COL23A1: variants seen among roughly 807,000 people sequenced by gnomAD.
COL23A1 encodes the protein collagen type XXIII alpha 1 chain, also known as collagen alpha-1(XXIII) chain.
COL23A1 carries 97 observed loss-of-function variants against 99.3 expected under a neutral mutation model. The observed-to-expected ratio is 0.98, with a 90% confidence interval of 0.83 to 1.16. The LOEUF is 1.16. Ranked by LOEUF, COL23A1 falls within the 50% of genes most tolerant of loss-of-function variation. The pLI is 0.00. For missense variants in COL23A1, 762 were observed against 757.4 expected (o/e 1.01, Z -0.07); for synonymous variants, 320 against 308.2 (o/e 1.04, Z -0.40).
At chr5:178,239,281 C>T (rs946991190) in intron 27 of COL23A1, 102 bp from the exon 28 acceptor site, 19 of 1,359,974 alleles carry the variant, frequency 1.4e-5, no homozygotes, top group African/African-American at 1.1e-4. Flanking sequence ...GGCCAGGGAG[C>T]GGCCATGTGA....
At chr5:178,517,609 T>G (rs1334760289) in intron 2 of COL23A1, among the ~76,000 whole-genome samples, 1 of 137,174 alleles carries the variant, frequency 7.3e-6, no homozygotes, top group African/African-American at 2.7e-5. Context: ...TCGCCCAGTC[T>G]GGAATGCAGT....
At chr5:178,356,880 C>T (rs1761685672) in intron 2 of COL23A1, among the ~76,000 whole-genome samples, 1 of 151,854 alleles carries the variant, frequency 6.6e-6, no homozygotes, top group African/African-American at 2.4e-5. Flanking sequence ...CTGGGGTCTG[C>T]GCACTGAGCC....
At chr5:178,402,479 A>T (rs773226544) in intron 2 of COL23A1, among the ~76,000 whole-genome samples, 1 of 152,242 alleles carries the variant, frequency 6.6e-6, no homozygotes, top group Non-Finnish European at 1.5e-5. Context: ...AATAAATAAG[A>T]TCTAGTATTT....
At position 178,256,393 on chromosome 5, in the gene COL23A1, T is replaced by TC; in HGVS notation, c.841dup (p.Glu281GlyfsTer32). ...TCCATCCGTGCCTCGGTGGCCAGGC[T>TC]CCCCCTGTGGAGACATGCATTTGCA... On this transcript the variant is annotated frameshift_variant, in exon 15 of 29. Transcript: ENST00000390654. LOFTEE classifies it high-confidence loss of function. The TC allele has an allele frequency of 1.2e-6, 2 of 1,605,520 alleles. No individual in the cohort carries two copies. Among genetic ancestry groups the TC allele is most frequent in the Non-Finnish European group, 1.7e-6 (2 of 1,175,480 alleles).
chr5:178,402,165 A>G (rs1561939588), intron 2 of COL23A1, among the ~76,000 whole-genome samples: 1 of 152,248 alleles, frequency 6.6e-6, no homozygotes, highest in African/African-American at 2.4e-5. Flanking sequence ...AGATCTAAAT[A>G]ATAGAATAAT....
At chr5:178,523,728 T>A (rs554370598) in intron 2 of COL23A1, 67 of 152,160 alleles carry the variant, frequency 4.4e-4, no homozygotes, top group Admixed American at 1.6e-3. Context: ...AAAAAATTCA[T>A]TGAAACCCGG....
chr5:178,482,883 CAG>C (rs768290637), intron 2 of COL23A1, among the ~76,000 whole-genome samples: 1 of 151,566 alleles, frequency 6.6e-6, no homozygotes, highest in Non-Finnish European at 1.5e-5. Context: ...GCCTGGGCAA[CAG>C]AGAGAGACTC....
chr5:178,480,000 C>A (rs1031341909), intron 2 of COL23A1, among the ~76,000 whole-genome samples: 1 of 151,972 alleles, frequency 6.6e-6, no homozygotes, highest in African/African-American at 2.4e-5. Context: ...CCATAGGCAA[C>A]TGAGATAAAA....
chr5:178,506,123 CAG>C (rs145029069), intron 2 of COL23A1, among the ~76,000 whole-genome samples: 2,434 of 152,284 alleles, frequency 0.016, 78 homozygotes, highest in African/African-American at 0.055. Context: ...GTTGAACAAA[CAG>C]AGAAAAACAA....
intron 2 of COL23A1, among the ~76,000 whole-genome samples, chr5:178,470,771 T>C (rs1043893364): frequency 7.5e-6 from 1 of 132,542 alleles, no homozygotes; most frequent in African/African-American, 2.8e-5. Context: ...CATAAGACAC[T>C]GGACCCAGAT....
At chr5:178,249,716 A>ACACACACACACTCTCTCT in intron 18 of COL23A1, among the ~76,000 whole-genome samples, 12 of 92,808 alleles carry the variant, frequency 1.3e-4, no homozygotes, top group African/African-American at 5.1e-4. Context: ...ACACACACAC[A>ACACACACACACTCTCTCT]CTCTCTCTCT....
intron 2 of COL23A1, chr5:178,344,714 G>A: frequency 3.0e-6 from 1 of 335,980 alleles, no homozygotes; most frequent in Non-Finnish European, 5.6e-6. Context: ...TTGATCTACA[G>A]TTGGTTGAAA....
intron 5 of COL23A1, among the ~76,000 whole-genome samples, chr5:178,272,016 A>G (rs1194053586): frequency 6.6e-6 from 1 of 152,188 alleles, no homozygotes; most frequent in African/African-American, 2.4e-5. Context: ...TCCCAGGCCC[A>G]GCATCAGGGT....
rs540378691 is a variant in COL23A1, at chr5:178,433,846, C to CT, written c.361+126835dup. Among the ~76,000 whole-genome samples, 19 of 152,276 alleles carry CT rather than the reference C, an allele frequency of 1.2e-4. No homozygotes were observed. The South Asian group carries it at 3.7e-3, about 30-fold the overall frequency. On this transcript the variant is annotated intron_variant, in intron 2 of 28. Transcript: ENST00000390654. The stretch of plus-strand genomic sequence containing the variant: ...AGATTACTGTTTTTGGAGATGGAAA[C>CT]TTTAAGTGATTAAGTTAAAATGAGG...
At position 178,255,816 on chromosome 5, in the gene COL23A1, T is replaced by C. The variant is rs1043275101; in HGVS notation, c.882+537A>G. 1.1e-5 allele frequency: 4 copies of C among 372,032 alleles called. No homozygotes were observed. Among genetic ancestry groups the C allele is most frequent in the African/African-American group, 2.2e-5 (1 of 46,370 alleles). 23.0% of individuals were successfully genotyped at this position (372,032 alleles called of 1,614,324 possible). On this transcript the variant is annotated intron_variant, in intron 15 of 28. Transcript: ENST00000390654. The surrounding 1 kb of genome is among the most constrained non-coding windows in gnomAD (Gnocchi z 4.2). ...ACAGCCAGGCGGGGGCTCAGATCCA[T>C]TTTTTTTGGAGGAAGAAGCCAGCCT...
chr5:178,499,029 G>A (rs984798210), intron 2 of COL23A1, among the ~76,000 whole-genome samples: 2 of 152,188 alleles, frequency 1.3e-5, no homozygotes, highest in East Asian at 3.8e-4. Context: ...GGCGGAGGTT[G>A]CAGTGAGCTG....
At chr5:178,430,521 G>A (rs1454388552) in intron 2 of COL23A1, among the ~76,000 whole-genome samples, 2 of 152,132 alleles carry the variant, frequency 1.3e-5, no homozygotes, top group East Asian at 3.9e-4. Flanking sequence ...CCAATACCCT[G>A]GCTCTCACCT....
chr5:178,321,972 G>A (rs551458763), intron 2 of COL23A1, among the ~76,000 whole-genome samples: 2 of 150,646 alleles, frequency 1.3e-5, no homozygotes, highest in South Asian at 4.2e-4. Context: ...GCACCACCAC[G>A]CCTGACTATT....
intron 2 of COL23A1, among the ~76,000 whole-genome samples, chr5:178,496,653 A>G (rs1758216714): frequency 6.6e-6 from 1 of 152,260 alleles, no homozygotes; most frequent in Non-Finnish European, 1.5e-5. Context: ...ACATACAAGT[A>G]GAAATCATGA....
Sources: allele counts gnomAD v4.1 joint callset (sites outside exome capture counted in the v4.1 genomes callset), GRCh38; gene constraint gnomAD v4.1.1; non-coding constraint Gnocchi (gnomAD v3.1); transcripts MANE v1.5; gene names NCBI Gene and HGNC (gene_info 2026-07-23, HGNC 2026-07-21).